Variants in ADAMTSL1 observed in about 807,000 individuals in gnomAD.
ADAMTSL1 encodes the protein ADAMTS like 1.
In ADAMTSL1, 126 loss-of-function variants were observed where a neutral mutation model predicts 201.8. That is an observed-to-expected ratio of 0.62 (90% CI 0.54 to 0.72). The LOEUF (loss-of-function observed/expected upper bound fraction) is 0.72, where lower values mean the gene tolerates loss of function less well. Ranked by LOEUF, ADAMTSL1 falls within the 30% of genes least tolerant of loss-of-function variation. The pLI is 0.00. For missense variants in ADAMTSL1, 2,679 were observed against 2,277.8 expected (o/e 1.18, Z -3.59); for synonymous variants, 1,121 against 903.4 (o/e 1.24, Z -4.32).
intron 1 of ADAMTSL1, among the ~76,000 whole-genome samples, chr9:18,143,792 T>C (rs1240664143): frequency 6.6e-6 from 1 of 152,230 alleles, no homozygotes; most frequent in Admixed American, 6.5e-5. Context: ...TTAAACAGAC[T>C]CTTTCATTAT....
At chr9:18,547,469 G>A (rs1020013848) in intron 3 of ADAMTSL1, among the ~76,000 whole-genome samples, 3 of 151,662 alleles carry the variant, frequency 2.0e-5, no homozygotes, top group African/African-American at 7.3e-5. Flanking sequence ...AGGCTTTTTG[G>A]CTCCAAGACT....
intron 3 of ADAMTSL1, among the ~76,000 whole-genome samples, chr9:18,570,975 AG>A (rs1489261942): frequency 1.3e-5 from 2 of 152,196 alleles, no homozygotes; most frequent in Non-Finnish European, 2.9e-5. Context: ...TGAGTCTCTA[AG>A]ATGTGTCTAA....
At chr9:18,073,865 T>C (rs980625024) in intron 1 of ADAMTSL1, among the ~76,000 whole-genome samples, 2 of 152,172 alleles carry the variant, frequency 1.3e-5, no homozygotes, top group African/African-American at 4.8e-5. Flanking sequence ...CAGGATCTAC[T>C]TGGGGAGTGG....
chr9:18,648,250 C>G lies in ADAMTSL1; in HGVS notation c.834+8839C>G, dbSNP rs1225264072. Among the ~76,000 whole-genome samples, 5 of 141,894 alleles carry G rather than the reference C, an allele frequency of 3.5e-5. No individual in the cohort carries two copies. The East Asian group carries it at 6.0e-4, about 17-fold the overall frequency. The allele number at this position is 141,894 out of a possible 152,430, so 93.1% of individuals were successfully genotyped here. Reference sequence around the variant, plus strand: ...TTTTCCATTTGCTTGGTAGATCTTCCTCCATCCTTTTATTTTGAGCCTATG... The same window carrying G: ...TTTTCCATTTGCTTGGTAGATCTTCGTCCATCCTTTTATTTTGAGCCTATG... On this transcript the variant is annotated intron_variant, in intron 7 of 28. Transcript: ENST00000380548.
At chr9:18,297,359 TTTTC>T (rs1455657268) in intron 2 of ADAMTSL1, among the ~76,000 whole-genome samples, 1 of 152,084 alleles carries the variant, frequency 6.6e-6, no homozygotes, top group African/African-American at 2.4e-5. Context: ...TTTTTTCTTT[TTTTC>T]TTTTTCTTTT....
At chr9:18,524,882 G>A (rs1818935714) in intron 2 of ADAMTSL1, among the ~76,000 whole-genome samples, 1 of 152,162 alleles carries the variant, frequency 6.6e-6, no homozygotes, top group South Asian at 2.1e-4. Context: ...TGTTCATCAG[G>A]GATATTGGTC....
intron 3 of ADAMTSL1, among the ~76,000 whole-genome samples, chr9:18,557,141 T>C (rs1266643183): frequency 2.6e-5 from 4 of 151,980 alleles, no homozygotes; most frequent in African/African-American, 9.7e-5. Flanking sequence ...TCTTCACTGG[T>C]ATCATGAAAC....
At position 18,673,238 on chromosome 9, in the gene ADAMTSL1, GA is replaced by G. The variant is rs964586358; in HGVS notation, c.1086-2608del. On this transcript the variant is annotated intron_variant, in intron 9 of 28. Transcript: ENST00000380548. ...TCTTTATGATTCACACTTTGCTTAA[GA>G]AAAAAAAAAAGTAAGCAATAGGAAG... 1.4e-3 allele frequency among the ~76,000 whole-genome samples: 203 copies of G among 144,164 alleles called. 1 individual carries two copies. Among genetic ancestry groups the G allele is most frequent in the Middle Eastern group, 0.01 (3 of 286 alleles). 94.6% of individuals were successfully genotyped at this position (144,164 alleles called of 152,430 possible). A position where few individuals can be genotyped will look rare whatever the true frequency, so the allele number is the denominator to read the frequency against.
At chr9:18,644,370 AT>A (rs537157701) in intron 7 of ADAMTSL1, among the ~76,000 whole-genome samples, 33 of 143,362 alleles carry the variant, frequency 2.3e-4, no homozygotes, top group South Asian at 1.3e-3. Context: ...ATGGAATTTT[AT>A]TTTTTTTATT....
At chr9:18,125,649 A>G (rs1256662172) in intron 1 of ADAMTSL1, among the ~76,000 whole-genome samples, 2 of 152,210 alleles carry the variant, frequency 1.3e-5, no homozygotes, top group African/African-American at 4.8e-5. Context: ...GTGGACCTCT[A>G]GTTGTCCCAA....
chr9:18,574,302 A>C (rs373446301), intron 4 of ADAMTSL1, 36 bp downstream of exon 4: 1 of 1,563,916 alleles, frequency 6.4e-7, no homozygotes, highest in Non-Finnish European at 8.8e-7. Flanking sequence ...ACTTGTCCAG[A>C]GGGTTTCAAT....
intron 5 of ADAMTSL1, among the ~76,000 whole-genome samples, chr9:18,624,398 T>G (rs1826230415): frequency 1.3e-5 from 2 of 152,198 alleles, no homozygotes; most frequent in African/African-American, 4.8e-5. Flanking sequence ...AGAAAAGAGT[T>G]ACATTTAAAA....
intron 23 of ADAMTSL1, among the ~76,000 whole-genome samples, chr9:18,866,853 G>A (rs149378253): frequency 1.3e-4 from 20 of 152,330 alleles, no homozygotes; most frequent in Non-Finnish European, 2.5e-4. Context: ...AAGGCAAAAT[G>A]TCTTTAATCT....
chr9:18,700,365 A>G (rs1216253955), intron 13 of ADAMTSL1, among the ~76,000 whole-genome samples: 4 of 152,116 alleles, frequency 2.6e-5, no homozygotes, highest in Non-Finnish European at 5.9e-5. Context: ...TTTACACGAG[A>G]TCTTCTCATC....
rs573830972 is a variant in ADAMTSL1, at chr9:17,952,967, G to A, written c.87+46045G>A. ...CCTCCTCCTCCTCCTTCTTCAGAAT[G>A]TCCTAGCTTTATTTGGACCTTGACT... On this transcript the variant is annotated intron_variant, in intron 1 of 29. Transcript: ENST00000680146. Among the ~76,000 whole-genome samples the A allele has an allele frequency of 9.0e-4, 128 of 142,502 alleles. 3 individuals are homozygous for A. The South Asian group carries it at 0.028, about 31-fold the overall frequency. 93.5% of individuals were successfully genotyped at this position (142,502 alleles called of 152,430 possible).
intron 2 of ADAMTSL1, among the ~76,000 whole-genome samples, chr9:18,215,008 T>C (rs1340180095): frequency 6.6e-6 from 1 of 152,164 alleles, no homozygotes; most frequent in East Asian, 1.9e-4. Context: ...AACTCAGCAT[T>C]GAAAAAATTG....
intron 2 of ADAMTSL1, among the ~76,000 whole-genome samples, chr9:18,406,721 G>A (rs1243295589): frequency 1.3e-5 from 2 of 152,092 alleles, no homozygotes; most frequent in Admixed American, 1.3e-4. Flanking sequence ...ATAAGCAATA[G>A]TCATTAATAT....
intron 2 of ADAMTSL1, among the ~76,000 whole-genome samples, chr9:18,444,945 G>A (rs764953215): frequency 6.6e-6 from 1 of 152,040 alleles, no homozygotes; most frequent in Non-Finnish European, 1.5e-5. Flanking sequence ...TAGGCACTAC[G>A]ATTACCCTCA....
At chr9:18,254,555 G>A (rs995557660) in intron 2 of ADAMTSL1, among the ~76,000 whole-genome samples, 7 of 151,568 alleles carry the variant, frequency 4.6e-5, no homozygotes, top group African/African-American at 1.7e-4. Context: ...AGTAAAGACG[G>A]GGTTTCACCA....
Sources: gnomAD v4.1 joint callset for allele counts (sites outside exome capture counted in the v4.1 genomes callset) on GRCh38, gnomAD v4.1.1 for gene constraint, MANE v1.5 for transcripts, NCBI Gene and HGNC (gene_info 2026-07-23, HGNC 2026-07-21) for gene names.